PRIM2: variants seen among roughly 807,000 people sequenced by gnomAD.
The protein encoded by PRIM2 is DNA primase large subunit.
Under a neutral mutation model 67.3 loss-of-function variants are expected in PRIM2, and 39 were observed. The ratio of observed to expected loss-of-function variants is 0.58; its 90% CI spans 0.45 to 0.76. The LOEUF (loss-of-function observed/expected upper bound fraction) is 0.76, where lower values mean the gene tolerates loss of function less well. Ranked by LOEUF, PRIM2 falls within the 30% of genes least tolerant of loss-of-function variation. The pLI is 0.00. For missense variants in PRIM2, 398 were observed against 598.7 expected (o/e 0.66, Z 3.50); for synonymous variants, 143 against 198.7 (o/e 0.72, Z 2.36).
At chr6:57,505,206 G>T (rs1197902113) in intron 7 of PRIM2, 4 of 152,170 alleles carry the variant, frequency 2.6e-5, no homozygotes, top group Non-Finnish European at 5.9e-5. Context: ...AGCGCTAATT[G>T]TTTTAAAAGT....
intron 12 of PRIM2, among the ~76,000 whole-genome samples, chr6:57,629,091 A>G (rs1777002407): frequency 1.3e-5 from 2 of 152,162 alleles, no homozygotes; most frequent in African/African-American, 4.8e-5. Flanking sequence ...TCAACATCAA[A>G]ATAGAGTTAC....
chr6:57,575,226 C>A (rs1265887404), intron 10 of PRIM2, among the ~76,000 whole-genome samples: 1 of 152,200 alleles, frequency 6.6e-6, no homozygotes, highest in Non-Finnish European at 1.5e-5. Flanking sequence ...AGCCCAAGAT[C>A]CATCTTTTCT....
intron 5 of PRIM2, among the ~76,000 whole-genome samples, chr6:57,349,148 T>C (rs1768777502): frequency 6.6e-6 from 1 of 152,164 alleles, no homozygotes; most frequent in Admixed American, 6.5e-5. Flanking sequence ...CACTGTTCTA[T>C]AAATCAACAC....
At chr6:57,279,612 T>C in the PRIM2 span, among the ~76,000 whole-genome samples, 2 of 152,128 alleles carry the variant, frequency 1.3e-5, no homozygotes, top group African/African-American at 4.8e-5. Context: ...AAGGTGGTGA[T>C]GGCGGCGCTA....
At chr6:57,588,984 G>A (rs1776241093) in intron 10 of PRIM2, among the ~76,000 whole-genome samples, 4 of 152,078 alleles carry the variant, frequency 2.6e-5, no homozygotes, top group African/African-American at 9.7e-5. Flanking sequence ...CAATTTTAAT[G>A]GGAGAGATTT....
chr6:57,457,475 G>A (rs71221656), intron 7 of PRIM2, among the ~76,000 whole-genome samples: 81,056 of 152,044 alleles, frequency 0.53, 22,215 homozygotes, highest in South Asian at 0.63. Flanking sequence ...ACCTACTCAA[G>A]CCTTGGCAAT....
chr6:57,268,428 T>C, the PRIM2 span, among the ~76,000 whole-genome samples: 2 of 152,054 alleles, frequency 1.3e-5, no homozygotes, highest in African/African-American at 4.8e-5. Flanking sequence ...AAATATCACA[T>C]GACATCAAAA....
At chr6:57,377,074 G>GA (rs1769792439) in intron 5 of PRIM2, among the ~76,000 whole-genome samples, 1 of 148,146 alleles carries the variant, frequency 6.8e-6, no homozygotes, top group Non-Finnish European at 1.5e-5. Context: ...ATCTTTAGTA[G>GA]AGATGGGGTT....
intron 7 of PRIM2, chr6:57,390,107 C>T (rs1262446874): frequency 6.5e-6 from 1 of 154,712 alleles, no homozygotes; most frequent in East Asian, 1.9e-4. Context: ...GGAAACAAAA[C>T]GTTGCAGTTG....
chr6:57,567,096 C>A (rs1447501760), intron 10 of PRIM2, among the ~76,000 whole-genome samples: 1 of 152,046 alleles, frequency 6.6e-6, no homozygotes, highest in African/African-American at 2.4e-5. Context: ...CATGGCTATA[C>A]CTTTACTTCT....
intron 5 of PRIM2, among the ~76,000 whole-genome samples, chr6:57,326,893 C>CTTTTTTTTTTTT (rs70989764): frequency 7.6e-6 from 1 of 131,490 alleles, no homozygotes; most frequent in African/African-American, 3.0e-5. Flanking sequence ...GAATTTGTAT[C>CTTTTTTTTTTTT]TTTTTTTTTT....
intron 10 of PRIM2, among the ~76,000 whole-genome samples, chr6:57,541,662 A>C (rs1775156462): frequency 6.6e-6 from 1 of 152,106 alleles, no homozygotes; most frequent in African/African-American, 2.4e-5. Flanking sequence ...TTCCAGCTCA[A>C]ATGCCAACAG....
At chr6:57,438,960 C>T (rs761261960) in intron 7 of PRIM2, among the ~76,000 whole-genome samples, 104 of 152,120 alleles carry the variant, frequency 6.8e-4, no homozygotes, top group Non-Finnish European at 1.2e-3. Flanking sequence ...CTGCTCACCT[C>T]GGCCTCCCAA....
At chr6:57,600,448 C>T (rs1275997826) in intron 10 of PRIM2, among the ~76,000 whole-genome samples, 6 of 151,526 alleles carry the variant, frequency 4.0e-5, no homozygotes, top group African/African-American at 1.2e-4. Context: ...AGCCTCAACC[C>T]CCCAGCCCAA....
At chr6:57,447,251 C>T (rs1207229422) in intron 7 of PRIM2, among the ~76,000 whole-genome samples, 1 of 152,162 alleles carries the variant, frequency 6.6e-6, no homozygotes, top group Non-Finnish European at 1.5e-5. Context: ...TGTATGAGTG[C>T]AGATTTATGG....
At chr6:57,222,808 G>C in the PRIM2 span, among the ~76,000 whole-genome samples, 1 of 152,196 alleles carries the variant, frequency 6.6e-6, no homozygotes, top group African/African-American at 2.4e-5. Context: ...AAAATACCAA[G>C]TGTTGGCCAG....
chr6:57,231,978 G>T, the PRIM2 span, among the ~76,000 whole-genome samples: 1 of 152,010 alleles, frequency 6.6e-6, no homozygotes, highest in Non-Finnish European at 1.5e-5. Context: ...AGTTATAGTT[G>T]GTTACTTCCA....
intron 5 of PRIM2, among the ~76,000 whole-genome samples, chr6:57,332,137 G>C (rs1208113733): frequency 6.6e-6 from 1 of 151,620 alleles, no homozygotes; most frequent in Non-Finnish European, 1.5e-5. Flanking sequence ...TTTTTACTTT[G>C]ACACATTGAT....
At chr6:57,337,806 G>A (rs760557483) in intron 5 of PRIM2, among the ~76,000 whole-genome samples, 2 of 151,278 alleles carry the variant, frequency 1.3e-5, no homozygotes, top group Admixed American at 6.6e-5. Context: ...GATTAGAAAA[G>A]CAAGAACAGA....
Sources: allele counts gnomAD v4.1 joint callset (sites outside exome capture counted in the v4.1 genomes callset), GRCh38; gene constraint gnomAD v4.1.1; transcripts MANE v1.5; gene names NCBI Gene and HGNC (gene_info 2026-07-23, HGNC 2026-07-21).